Variants in ZNF726 observed in about 807,000 individuals in gnomAD.
ZNF726 encodes the protein zinc finger protein 726, also known as zinc finger protein 92 pseudogene 3.
A neutral mutation model predicts 11.6 loss-of-function variants in ZNF726; 15 were observed. That is an observed-to-expected ratio of 1.29 (90% CI 0.86 to 1.99). ZNF726 has a LOEUF of 1.99. Ranked by LOEUF, ZNF726 falls within the 30% of genes most tolerant of loss-of-function variation. ZNF726 has a pLI of 0.00. For missense variants in ZNF726, 890 were observed against 725.6 expected (o/e 1.23, Z -2.60); for synonymous variants, 295 against 243.6 (o/e 1.21, Z -1.96).
chr19:23,925,289 T>C (rs1298395266), intron 3 of ZNF726, among the ~76,000 whole-genome samples: 1 of 152,230 alleles, frequency 6.6e-6, no homozygotes, highest in Non-Finnish European at 1.5e-5. Flanking sequence ...ATTTATATTA[T>C]TTGAAGTACA....
chr19:23,935,473 A>G (rs891738787), downstream of ZNF726: 4 of 495,748 alleles, frequency 8.1e-6, no homozygotes, highest in Admixed American at 8.5e-5. Flanking sequence ...AAGTGTGAAT[A>G]ATATGGAAAG....
chr19:23,942,941 C>A, intron 3 of ZNF726, among the ~76,000 whole-genome samples: 1 of 152,116 alleles, frequency 6.6e-6, no homozygotes, highest in East Asian at 1.9e-4. Flanking sequence ...AGGCCATTTC[C>A]ATTCAGTGTT....
At chr19:23,920,572 C>T (rs538312370) in intron 3 of ZNF726, 2 of 154,148 alleles carry the variant, frequency 1.3e-5, no homozygotes, top group South Asian at 2.0e-4. Context: ...TGCACACCAC[C>T]ACAACTGGCT....
At chr19:23,937,090 AC>A (rs538947603), downstream of ZNF726, among the ~76,000 whole-genome samples, 28 of 135,946 alleles carry the variant, frequency 2.1e-4, no homozygotes, top group East Asian at 4.6e-4. Flanking sequence ...CGGGGGGCTG[AC>A]CCCCCCCACC....
intron 3 of ZNF726, among the ~76,000 whole-genome samples, chr19:23,943,058 G>C (rs1273759135): frequency 6.6e-6 from 1 of 152,068 alleles, no homozygotes; most frequent in Non-Finnish European, 1.5e-5. Flanking sequence ...GTCGTGCTCT[G>C]TCTCCAGGGT....
rs1173933493 is a variant in ZNF726 at position 23,933,148 on chromosome 19, A to T, written c.1032A>T (p.Glu344Asp). 6.2e-7 allele frequency: 1 copy of T among 1,600,738 alleles called. No homozygotes were observed. The highest frequency in any genetic ancestry group is 8.5e-7 in the Non-Finnish European group (1 of 1,173,450). ...LHSGEKPYKCEECAKAFSQFG... is the reference protein window; with the variant it reads ...LHSGEKPYKCDECAKAFSQFG... ...GTGGAGAGAAACCCTACAAATGTGA[A>T]GAATGTGCCAAAGCTTTTAGCCAAT... Residue 344 changes from glutamate (E) to aspartate (D), a missense_variant, in exon 4 of 4, where the codon GAA (glutamate) becomes GAT (aspartate). Transcript: ENST00000594466.
intron 3 of ZNF726, chr19:23,928,241 A>G (rs1204335563): frequency 6.6e-6 from 1 of 152,168 alleles, no homozygotes; most frequent in East Asian, 1.9e-4. Flanking sequence ...AGTCTGCTAA[A>G]TTGTGAGCCA....
chr19:23,933,863 CATAAG>C lies in ZNF726; in HGVS notation c.1752_1756del (p.Lys584AsnfsTer11). The C allele has an allele frequency of 1.3e-5, 21 of 1,591,992 alleles. No homozygotes were observed. Among genetic ancestry groups the C allele is most frequent in the Non-Finnish European group, 1.8e-5 (21 of 1,169,444 alleles). On this transcript the variant is annotated frameshift_variant, in exon 4 of 4. Coordinates refer to ENST00000594466, the MANE Select transcript of ZNF726 (RefSeq NM_001244038.2). LOFTEE classifies it low-confidence loss of function (END_TRUNC). ...TAATCGATCCTCAAATCTTAGTACG[CATAAG>C]ATAATTCATACTGGAGAGAAACCTT... is the stretch of plus-strand genomic sequence containing the variant.
At chr19:23,936,567 A>G (rs1399067272), downstream of ZNF726, among the ~76,000 whole-genome samples, 1 of 152,030 alleles carries the variant, frequency 6.6e-6, no homozygotes, top group Non-Finnish European at 1.5e-5. Flanking sequence ...GACTTTTTCT[A>G]TGGAAAGGTA....
chr19:23,940,399 G>A (rs897304428), intron 3 of ZNF726, among the ~76,000 whole-genome samples: 2 of 152,092 alleles, frequency 1.3e-5, no homozygotes, highest in African/African-American at 4.8e-5. Flanking sequence ...TGCTGTTTTG[G>A]TGACTAGAGC....
rs1438199062 is a variant in ZNF726, at chr19:23,920,024, G to A, written c.168G>A (p.Leu56=). The stretch of plus-strand genomic sequence containing the variant: ...CTAAGCCAGACCTCATCATCTGTCT[G>A]GAGAAAGAAAAAGAGCCCTGGAATA... The part of the protein sequence containing the change: ...AVSKPDLIIC[L]EKEKEPWNMK... Residue 56 remains leucine, a synonymous_variant, in exon 3 of 4, where the codon CTG becomes CTA. Transcript: ENST00000594466. The A allele has an allele frequency of 1.3e-6, 2 of 1,589,240 alleles. No homozygotes were observed. Among genetic ancestry groups the A allele is most frequent in the Non-Finnish European group, 1.7e-6 (2 of 1,165,682 alleles).
chr19:23,916,849 C>T (rs112964220), intron 1 of ZNF726, among the ~76,000 whole-genome samples: 3 of 151,624 alleles, frequency 2.0e-5, no homozygotes, highest in African/African-American at 7.3e-5. Flanking sequence ...TTCAGTCACA[C>T]TTCAGTTTTA....
chr19:23,943,522 C>T (rs1416833534), exon 4 of ZNF726: 1 of 671,190 alleles, frequency 1.5e-6, no homozygotes, highest in Admixed American at 2.0e-5. Flanking sequence ...CTGATCTGAT[C>T]TCCTGCCTTG....
chr19:23,929,380 G>A (rs1457940740), intron 3 of ZNF726: 6 of 153,516 alleles, frequency 3.9e-5, no homozygotes, highest in Non-Finnish European at 8.7e-5. Flanking sequence ...ACTTACAGTT[G>A]TGTGTGACTG....
rs1183657276 is a variant in ZNF726, at chr19:23,933,191, CAT to C, written c.1077_1078del (p.His359GlnfsTer13). 6.2e-7 allele frequency: 1 copy of C among 1,601,944 alleles called. No homozygotes were observed. Among genetic ancestry groups the C allele is most frequent in the Non-Finnish European group, 8.5e-7 (1 of 1,173,468 alleles). On this transcript the variant is annotated frameshift_variant, in exon 4 of 4. Transcript: ENST00000594466. LOFTEE classifies it low-confidence loss of function (END_TRUNC). ...TAGCCAATTCGGACACCTTACTACA[CAT>C]AGGATAATTCATACTGGAGAGAAAC... ...AFSQFGHLTT[H>X]RIIHTGEKPY... is the part of the protein sequence containing the mutation.
Position 23,940,478 on chromosome 19 carries a change from A to G in ZNF726, c.227-3016A>G, listed in dbSNP as rs146958473. Among the ~76,000 whole-genome samples the G allele has an allele frequency of 9.2e-4, 140 of 152,128 alleles. 3 individuals are homozygous for G. In the Middle Eastern group the frequency reaches 0.041, roughly 45 times the overall value. On this transcript the variant is annotated intron_variant, in intron 3 of 4. Transcript: ENST00000334589. ...CTTTTTGCTTAGTCTTGCTTTGGCT[A>G]TGTGGGCTCTATATGAATGTTAGAA...
At position 23,933,496 on chromosome 19, in the gene ZNF726, A is replaced by C; in HGVS notation, c.1380A>C (p.Lys460Asn). ...CCTACAAATGTGAAGAATGTAGTAA[A>C]GCATTTAGCCGATCCTCAGCCCTAA... ...EKPYKCEECS[K>N]AFSRSSALTT... is the part of the protein sequence containing the mutation. Residue 460 changes from lysine to asparagine, a missense_variant, in exon 4 of 4, where the codon AAA (lysine) becomes AAC (asparagine). Transcript: ENST00000594466. 3.7e-6 allele frequency: 6 copies of C among 1,612,666 alleles called. No homozygotes were observed. Among genetic ancestry groups the C allele is most frequent in the Non-Finnish European group, 5.1e-6 (6 of 1,179,778 alleles).
At chr19:23,920,886 A>G (rs1450995016) in intron 3 of ZNF726, 1 of 149,984 alleles carries the variant, frequency 6.7e-6, no homozygotes, top group African/African-American at 2.5e-5. Flanking sequence ...CAGTTTTGCC[A>G]TGAGAGTACA....
intron 3 of ZNF726, among the ~76,000 whole-genome samples, chr19:23,942,105 A>G: frequency 6.6e-6 from 1 of 152,174 alleles, no homozygotes; most frequent in East Asian, 1.9e-4. Context: ...ATTTAGGGAT[A>G]TGAACTTTCC....
Sources: allele counts gnomAD v4.1 joint callset (sites outside exome capture counted in the v4.1 genomes callset), GRCh38; gene constraint gnomAD v4.1.1; transcripts MANE v1.5; gene names NCBI Gene and HGNC (gene_info 2026-07-23, HGNC 2026-07-21).